PUM1: variants seen among roughly 807,000 people sequenced by gnomAD.
The protein encoded by PUM1 is pumilio RNA binding family member 1.
A neutral mutation model predicts 131.8 loss-of-function variants in PUM1; 13 were observed. The observed-to-expected ratio is 0.10, with a 90% CI of 0.06 to 0.16. The LOEUF is 0.16. PUM1 is among the 10% of genes least tolerant of loss of function. PUM1 has a pLI of 1.00. For synonymous variants in PUM1, 509 were observed against 556.5 expected, an observed-to-expected ratio of 0.91 and a Z score of 1.20; for missense variants, 961 against 1,512.4, an observed-to-expected ratio of 0.64 and a Z score of 6.05.
chr1:31,060,588 A>C (rs1644346050), intron 1 of PUM1, among the ~76,000 whole-genome samples: 1 of 152,190 alleles, frequency 6.6e-6, no homozygotes, highest in Non-Finnish European at 1.5e-5. Flanking sequence ...AGGATCCCTT[A>C]AAGTGTCCAA....
At position 30,992,416 on chromosome 1, in the gene PUM1, G is replaced by T. The variant is rs1404269363; in HGVS notation, c.1132C>A (p.Leu378Ile). ...TGTTGTTGAGAATTGTAGTCAAAAA[G>T]TCCCACAGTTGCTGCTGCTGAGTCC... is the stretch of plus-strand genomic sequence containing the variant. ...PVDSAAATVG[L>I]FDYNSQQQLF... The change falls in exon 7 of 22, where the codon CTT becomes ATT. Residue 378 changes from leucine (L) to isoleucine (I), a missense_variant. Leu to Ile is a conservative substitution (Grantham distance 5, BLOSUM62 2). Coordinates refer to ENST00000426105, the MANE Select transcript of PUM1 (RefSeq NM_001020658.2). 6.2e-7 allele frequency: 1 copy of T among 1,614,136 alleles called. No homozygotes were observed. Among genetic ancestry groups the T allele is most frequent in the Middle Eastern group, 1.7e-4 (1 of 6,040 alleles).
intron 2 of PUM1, among the ~76,000 whole-genome samples, chr1:31,055,622 C>G (rs1183979167): frequency 6.6e-6 from 1 of 152,190 alleles, no homozygotes; most frequent in Non-Finnish European, 1.5e-5. Context: ...CTGGTTTAGG[C>G]CACCTGAGTG....
rs759476398 is a variant in PUM1, at chr1:30,968,440, T to C, written c.1559A>G (p.Gln520Arg). Residue 520 changes from glutamine to arginine, a missense_variant, in exon 11 of 22, where the codon CAG (glutamine) becomes CGG (arginine). Transcript: ENST00000426105. Reference protein sequence around the residue: ...QRPLTPNQNQQGQQTDPLVAA... With the variant: ...QRPLTPNQNQRGQQTDPLVAA... ...CACAAGGGGATCCGTTTGCTGTCCC[T>C]GCTGGTTCTGGTTTGGGGTCAAAGG... The C allele has an allele frequency of 6.3e-6, 10 of 1,598,596 alleles. No individual in the cohort carries two copies. The East Asian group carries it at 1.8e-4, about 29-fold the overall frequency.
intron 5 of PUM1, among the ~76,000 whole-genome samples, chr1:30,998,082 G>A (rs1049846931): frequency 2.0e-5 from 3 of 152,196 alleles, no homozygotes; most frequent in Admixed American, 2.0e-4. Flanking sequence ...TAGAGAGTGG[G>A]GAACCCAAGG....
chr1:30,989,571 CAAAAAAAAA>C (rs1174565063), intron 7 of PUM1, among the ~76,000 whole-genome samples: 90 of 27,702 alleles, frequency 3.2e-3, no homozygotes, highest in African/African-American at 9.0e-3. Flanking sequence ...GACTCCGTCT[CAAAAAAAAA>C]AAAAAAAAAA....
intron 1 of PUM1, among the ~76,000 whole-genome samples, chr1:31,060,792 A>G (rs1644349534): frequency 1.3e-5 from 2 of 151,972 alleles, no homozygotes; most frequent in South Asian, 4.2e-4. Flanking sequence ...AAGCTGAGGC[A>G]GGAGAATCGT....
At chr1:30,994,932 A>G (rs977312536) in intron 6 of PUM1, 122 bp downstream of exon 6, 23 of 1,083,964 alleles carry the variant, frequency 2.1e-5, no homozygotes, top group African/African-American at 3.2e-5. Flanking sequence ...CCTACACTAG[A>G]TTGGATTCTT....
intron 5 of PUM1, among the ~76,000 whole-genome samples, chr1:30,999,606 C>CAAAAAAAAAAAAAAAAAAAAAAA (rs56936440): frequency 1.9e-5 from 1 of 53,980 alleles, no homozygotes; most frequent in African/African-American, 6.9e-5. Context: ...GACTCTGTCT[C>CAAAAAAAAAAAAAAAAAAAAAAA]AAAAAAAAAA....
chr1:30,959,973 C>G (rs1209554173), intron 14 of PUM1, among the ~76,000 whole-genome samples: 1 of 151,416 alleles, frequency 6.6e-6, no homozygotes, highest in Non-Finnish European at 1.5e-5. Context: ...CAAAAACTCT[C>G]AATAAACTTA....
At chr1:31,009,017 C>A (rs370811358) in intron 3 of PUM1, among the ~76,000 whole-genome samples, 76 of 121,716 alleles carry the variant, frequency 6.2e-4, no homozygotes, top group Middle Eastern at 4.2e-3. Context: ...ACTAAAAATA[C>A]AAAAAAAAAA....
At chr1:31,029,707 T>TAA (rs1388410351) in intron 2 of PUM1, among the ~76,000 whole-genome samples, 1 of 152,152 alleles carries the variant, frequency 6.6e-6, no homozygotes, top group Non-Finnish European at 1.5e-5. Flanking sequence ...CTTTGTTTAT[T>TAA]AAAGACGTAG....
intron 10 of PUM1, among the ~76,000 whole-genome samples, chr1:30,969,326 A>C (rs1213415536): frequency 6.8e-6 from 1 of 147,606 alleles, no homozygotes; most frequent in African/African-American, 2.5e-5. Flanking sequence ...CAAAAAAAAA[A>C]AAAAAAAAAA....
chr1:31,063,456 T>C (rs1644411134), intron 1 of PUM1, among the ~76,000 whole-genome samples: 1 of 152,108 alleles, frequency 6.6e-6, no homozygotes, highest in Non-Finnish European at 1.5e-5. Context: ...AAAAGCCTTC[T>C]CAAAATAGTT....
Position 31,065,655 on chromosome 1 carries a change from A to G in PUM1, c.-51T>C. 6.5e-7 allele frequency: 1 copy of G among 1,549,208 alleles called. No individual in the cohort carries two copies. Among genetic ancestry groups the G allele is most frequent in the Non-Finnish European group, 8.7e-7 (1 of 1,146,734 alleles). On this transcript the variant is annotated 5_prime_UTR_variant, in exon 1 of 22. Coordinates refer to ENST00000426105, the MANE Select transcript of PUM1 (RefSeq NM_001020658.2). ...GATGAAGATGGATTTCAGCCCCCCG[A>G]TCTTCTCTCTCTGGCGCTCTCGCTC...
At position 30,968,486 on chromosome 1, in the gene PUM1, G is replaced by C; in HGVS notation, c.1513C>G (p.Arg505Gly). The C allele has an allele frequency of 6.3e-7, 1 of 1,590,578 alleles. No homozygotes were observed. Among genetic ancestry groups the C allele is most frequent in the Non-Finnish European group, 8.5e-7 (1 of 1,173,944 alleles). The change falls in exon 11 of 22, where the codon CGT becomes GGT. Residue 505 changes from arginine (R) to glycine (G), a missense_variant. Coordinates refer to ENST00000426105, the MANE Select transcript of PUM1 (RefSeq NM_001020658.2). ...AAAGGACGTTGGCTGGCTCCTCCAC[G>C]GAGAACCTGGGAAAGGAAGACAGAA... ...QAQQGQQQVL[R>G]GGASQRPLTP...
intron 3 of PUM1, among the ~76,000 whole-genome samples, chr1:31,026,537 A>T (rs1643229978): frequency 6.6e-6 from 1 of 152,098 alleles, no homozygotes; most frequent in South Asian, 2.1e-4. Flanking sequence ...TAAAGAAAGA[A>T]CTCCTTGAAT....
intron 6 of PUM1, 108 bp downstream of exon 6, chr1:30,994,942 TAAAA>T (rs992547881): frequency 4.1e-5 from 50 of 1,205,990 alleles, no homozygotes; most frequent in Non-Finnish European, 5.4e-5. Context: ...ATTGGATTCT[TAAAA>T]AGAAAACATG....
rs199921830 is a variant in PUM1 at position 30,981,336 on chromosome 1, C to T, written c.1228G>A (p.Ala410Thr). The T allele has an allele frequency of 1.6e-5, 25 of 1,599,128 alleles. No individual in the cohort carries two copies. The African/African-American group carries it at 3.2e-4, about 21-fold the overall frequency. The change falls in exon 8 of 22, where the codon GCA becomes ACA. Residue 410 changes from alanine (A) to threonine (T), a missense_variant. Transcript: ENST00000426105. ...CCGATGTGCGGCTGATGAGCAGCTG[C>T]CAGTGCATACTGCTGCTGCTGAGCA... is the stretch of plus-strand genomic sequence containing the variant. ...TAAQQQQYAL[A>T]AAHQPHIGLA... is the part of the protein sequence containing the mutation.
intron 12 of PUM1, 125 bp downstream of exon 12, chr1:30,967,042 A>C: frequency 1.7e-6 from 2 of 1,175,886 alleles, no homozygotes; most frequent in Non-Finnish European, 2.4e-6. Context: ...CTCTTTTTGA[A>C]ACATTACAGG....
Sources: allele counts gnomAD v4.1 joint callset (sites outside exome capture counted in the v4.1 genomes callset), GRCh38; gene constraint gnomAD v4.1.1; transcripts MANE v1.5; gene names NCBI Gene and HGNC (gene_info 2026-07-23, HGNC 2026-07-21).